Variants in DGKI observed in about 807,000 individuals in gnomAD.
The protein encoded by DGKI is diacylglycerol kinase iota, also known as DAG kinase iota.
Under a neutral mutation model 147.5 loss-of-function variants are expected in DGKI, and 55 were observed. The ratio of observed to expected loss-of-function variants is 0.37; its 90% CI spans 0.30 to 0.47. The LOEUF (loss-of-function observed/expected upper bound fraction) is 0.47. Ranked by LOEUF, DGKI falls within the 20% of genes least tolerant of loss-of-function variation. The pLI, the probability that DGKI is intolerant of heterozygous loss-of-function variation, is 1.00. For synonymous variants in DGKI, 469 were observed against 477.1 expected, an observed-to-expected ratio of 0.98 and a Z score of 0.22; for missense variants, 1,007 against 1,323.8, an observed-to-expected ratio of 0.76 and a Z score of 3.71.
At chr7:137,621,671 C>A (rs978229159) in intron 7 of DGKI, among the ~76,000 whole-genome samples, 3 of 152,238 alleles carry the variant, frequency 2.0e-5, no homozygotes, top group African/African-American at 4.8e-5. Flanking sequence ...ATAAGTGGAA[C>A]TGACCAAAGC....
intron 1 of DGKI, among the ~76,000 whole-genome samples, chr7:137,724,857 T>A (rs1036588153): frequency 2.0e-5 from 3 of 152,080 alleles, no homozygotes; most frequent in Admixed American, 6.5e-5. Flanking sequence ...CAGGAACAGA[T>A]GAAAGCCAAG....
intron 30 of DGKI, among the ~76,000 whole-genome samples, chr7:137,406,653 A>C (rs147603279): frequency 4.6e-5 from 7 of 152,222 alleles, no homozygotes; most frequent in African/African-American, 1.4e-4. Context: ...GGATGTGTTT[A>C]CTATAAACAA....
chr7:137,395,608 G>C lies in DGKI; in HGVS notation c.3047C>G (p.Thr1016Arg), dbSNP rs760525641. ...CACTCATCGAGTTACCTTGGAGTCCGTCTTTCTCAGAGATGCTCCTGCATC... is the reference window on the plus strand; with the variant it reads ...CACTCATCGAGTTACCTTGGAGTCCCTCTTTCTCAGAGATGCTCCTGCATC... Reference protein sequence around the residue: ...LVDAGASLRKTDSKGKTPQER... With the variant: ...LVDAGASLRKRDSKGKTPQER... Residue 1016 changes from threonine to arginine, a missense_variant, in exon 32 of 33, where the codon ACG becomes AGG. By Grantham distance (71) the Thr-to-Arg change is moderately conservative. This residue lies in a region of DGKI where 385 missense variants were observed against 445.2 expected (regional missense o/e 0.86). Transcript: ENST00000614521. 1.2e-6 allele frequency: 2 copies of C among 1,614,024 alleles called. No individual in the cohort carries two copies. Among genetic ancestry groups the C allele is most frequent in the South Asian group, 1.1e-5 (1 of 91,084 alleles).
intron 7 of DGKI, among the ~76,000 whole-genome samples, chr7:137,621,951 C>A (rs1820763548): frequency 6.6e-6 from 1 of 152,194 alleles, no homozygotes; most frequent in Non-Finnish European, 1.5e-5. Context: ...GCACTGGGGA[C>A]CCCAGGACCA....
At chr7:137,723,031 T>A (rs1299840157) in intron 1 of DGKI, among the ~76,000 whole-genome samples, 1 of 152,204 alleles carries the variant, frequency 6.6e-6, no homozygotes, top group Non-Finnish European at 1.5e-5. Flanking sequence ...ATGGGACTAA[T>A]TATATTATCA....
intron 1 of DGKI, among the ~76,000 whole-genome samples, chr7:137,841,407 G>GA (rs1279323129): frequency 1.3e-5 from 2 of 152,072 alleles, no homozygotes; most frequent in East Asian, 3.9e-4. Flanking sequence ...AAATTTTAAT[G>GA]AAAAAAAGTT....
chr7:137,643,732 G>A (rs934260682), intron 6 of DGKI, among the ~76,000 whole-genome samples: 11 of 152,192 alleles, frequency 7.2e-5, no homozygotes, highest in African/African-American at 2.7e-4. Context: ...AGTTCTTCCT[G>A]TTCAGTTGAC....
At chr7:137,429,333 G>A (rs1453992252) in intron 28 of DGKI, among the ~76,000 whole-genome samples, 2 of 152,142 alleles carry the variant, frequency 1.3e-5, no homozygotes, top group Non-Finnish European at 2.9e-5. Flanking sequence ...ATGGTGCTGG[G>A]AAAACTGGCT....
chr7:137,590,408 T>C (rs1029648830), intron 12 of DGKI, among the ~76,000 whole-genome samples: 1 of 152,144 alleles, frequency 6.6e-6, no homozygotes, highest in Non-Finnish European at 1.5e-5. Flanking sequence ...GGTGGAGCCA[T>C]AGGAATCTAT....
chr7:137,567,227 G>A (rs1401567598), intron 19 of DGKI, among the ~76,000 whole-genome samples: 4 of 148,226 alleles, frequency 2.7e-5, no homozygotes, highest in African/African-American at 5.1e-5. Context: ...TTGCACCATT[G>A]CACTCCAGCC....
intron 20 of DGKI, among the ~76,000 whole-genome samples, chr7:137,546,350 T>C (rs1270450150): frequency 6.6e-6 from 1 of 152,164 alleles, no homozygotes. Flanking sequence ...TAGGCTGGCA[T>C]GGTAAACTCA....
intron 28 of DGKI, among the ~76,000 whole-genome samples, chr7:137,427,690 T>G (rs10264992): frequency 6.6e-6 from 1 of 150,778 alleles, no homozygotes; most frequent in Non-Finnish European, 1.5e-5. Context: ...AAGAATCAAA[T>G]AGATGCAATA....
intron 28 of DGKI, among the ~76,000 whole-genome samples, chr7:137,419,819 T>C (rs960959599): frequency 2.6e-5 from 4 of 152,240 alleles, no homozygotes; most frequent in Non-Finnish European, 4.4e-5. Flanking sequence ...TGACAAATTA[T>C]TTGTTATAAT....
chr7:137,508,108 A>G (rs1264462195), intron 21 of DGKI, among the ~76,000 whole-genome samples: 1 of 152,168 alleles, frequency 6.6e-6, no homozygotes, highest in Non-Finnish European at 1.5e-5. Flanking sequence ...TTATTCTCAA[A>G]AGGATGGGTA....
chr7:137,442,697 T>C (rs980760080), intron 28 of DGKI, among the ~76,000 whole-genome samples: 1 of 152,176 alleles, frequency 6.6e-6, no homozygotes, highest in African/African-American at 2.4e-5. Flanking sequence ...ATAACACAAC[T>C]TCATTCCAGT....
chr7:137,756,503 G>T (rs1208770475), intron 1 of DGKI, among the ~76,000 whole-genome samples: 1 of 152,122 alleles, frequency 6.6e-6, no homozygotes, highest in Admixed American at 6.5e-5. Flanking sequence ...AGTAAGATCG[G>T]CAAACAAAAT....
At chr7:137,537,771 G>T (rs536827517) in intron 20 of DGKI, among the ~76,000 whole-genome samples, 1 of 152,168 alleles carries the variant, frequency 6.6e-6, no homozygotes, top group Non-Finnish European at 1.5e-5. Context: ...TTAATTCATT[G>T]AGGCAAACCA....
chr7:137,448,240 C>T, intron 27 of DGKI, among the ~76,000 whole-genome samples: 1 of 133,194 alleles, frequency 7.5e-6, no homozygotes, highest in East Asian at 2.5e-4. Context: ...GAGACAAAGT[C>T]AAACTTAAGA....
chr7:137,806,161 C>T (rs1585515722), intron 1 of DGKI, among the ~76,000 whole-genome samples: 1 of 152,286 alleles, frequency 6.6e-6, no homozygotes, highest in East Asian at 1.9e-4. Flanking sequence ...CTTTAGAAGG[C>T]AGGGGAAACG....
Sources: allele counts gnomAD v4.1 joint callset (sites outside exome capture counted in the v4.1 genomes callset), GRCh38; gene constraint gnomAD v4.1.1; regional missense constraint gnomAD v4.1.1; transcripts MANE v1.5; gene names NCBI Gene and HGNC (gene_info 2026-07-23, HGNC 2026-07-21).